Variants in NCF2 observed in about 807,000 individuals in gnomAD.
NCF2 encodes neutrophil cytosolic factor 2.
NCF2 carries 45 observed loss-of-function variants against 70.9 expected under a neutral mutation model. The observed-to-expected ratio is 0.63, with a 90% CI of 0.50 to 0.81. NCF2 has a LOEUF of 0.81. Ranked by LOEUF, NCF2 falls within the 40% of genes least tolerant of loss-of-function variation. The pLI is 0.00. For synonymous variants in NCF2, 203 were observed against 233.6 expected (o/e 0.87, Z 1.19); for missense variants, 522 against 631.6 (o/e 0.83, Z 1.86).
chr1:183,587,221 CA>C (rs1414228811), intron 1 of NCF2, among the ~76,000 whole-genome samples: 1 of 152,196 alleles, frequency 6.6e-6, no homozygotes, highest in African/African-American at 2.4e-5. Context: ...TGTGGATCTA[CA>C]AAACATTCCT....
Position 183,573,183 on chromosome 1 carries a change from A to G in NCF2, c.609+2T>C, listed in dbSNP as rs1672642650. The stretch of plus-strand genomic sequence containing the variant: ...CAGGGGAAGCTGAGCAATCCCACCT[A>G]CCGTCGCCTTGCCTAGGTAATCCTT... On this transcript the variant is annotated splice_donor_variant, in intron 5 of 14. Transcript: ENST00000367535. LOFTEE classifies it high-confidence loss of function. 1.2e-6 allele frequency: 2 copies of G among 1,613,408 alleles called. No individual in the cohort carries two copies. The highest frequency in any genetic ancestry group is 1.7e-6 in the Non-Finnish European group (2 of 1,179,690).
chr1:183,581,410 G>A (rs1673067511), intron 2 of NCF2, among the ~76,000 whole-genome samples: 1 of 151,770 alleles, frequency 6.6e-6, no homozygotes, highest in Non-Finnish European at 1.5e-5. Flanking sequence ...GGGGCAGGAG[G>A]ATCACTTGAG....
chr1:183,565,671 C>G, intron 10 of NCF2, 33 bp downstream of exon 10: 1 of 1,605,732 alleles, frequency 6.2e-7, no homozygotes, highest in Non-Finnish European at 8.5e-7. Context: ...GCTGCTGCAC[C>G]CAGACCTAGG....
At chr1:183,581,017 AG>A (rs1222368670) in intron 2 of NCF2, among the ~76,000 whole-genome samples, 1 of 150,588 alleles carries the variant, frequency 6.6e-6, no homozygotes, top group Non-Finnish European at 1.5e-5. Flanking sequence ...TGGGCCTGGT[AG>A]GAGAGAGAGA....
intron 14 of NCF2, among the ~76,000 whole-genome samples, chr1:183,557,002 A>G (rs946341269): frequency 6.6e-6 from 1 of 152,212 alleles, no homozygotes; most frequent in Non-Finnish European, 1.5e-5. Flanking sequence ...GTGATGGGTT[A>G]GTACATGTTT....
chr1:183,593,844 CCA>C (rs1310129615), upstream of NCF2, among the ~76,000 whole-genome samples: 5 of 152,180 alleles, frequency 3.3e-5, no homozygotes, highest in Non-Finnish European at 7.3e-5. Flanking sequence ...GTTCAAGCCT[CCA>C]GTTTCCTGAA....
intron 3 of NCF2, among the ~76,000 whole-genome samples, chr1:183,576,758 TA>T (rs1672817912): frequency 6.6e-6 from 1 of 152,218 alleles, no homozygotes. Flanking sequence ...CTACAGACTC[TA>T]TTATTAGCCC....
intron 2 of NCF2, among the ~76,000 whole-genome samples, chr1:183,578,432 G>T (rs775374276): frequency 2.0e-5 from 3 of 151,026 alleles, no homozygotes; most frequent in African/African-American, 7.3e-5. Flanking sequence ...ATTTCAGCTC[G>T]CTGCAAGCTC....
At chr1:183,563,089 A>C in intron 13 of NCF2, 106 bp downstream of exon 13, 1 of 1,009,392 alleles carries the variant, frequency 9.9e-7, no homozygotes, top group South Asian at 1.3e-5. Context: ...CATATCCCCA[A>C]CACCACATAT....
At chr1:183,561,164 C>G (rs1370007020) in intron 13 of NCF2, among the ~76,000 whole-genome samples, 1 of 152,206 alleles carries the variant, frequency 6.6e-6, no homozygotes, top group African/African-American at 2.4e-5. Context: ...GTCACTTTTG[C>G]TTCACAAATG....
chr1:183,581,692 A>G (rs530643019), intron 2 of NCF2, among the ~76,000 whole-genome samples: 40 of 150,672 alleles, frequency 2.7e-4, no homozygotes, highest in Middle Eastern at 3.4e-3. Flanking sequence ...TTTTTGAGAC[A>G]GAGTCTCGCT....
chr1:183,581,268 T>G (rs1673051671), intron 2 of NCF2, among the ~76,000 whole-genome samples: 3 of 89,764 alleles, frequency 3.3e-5, no homozygotes, highest in African/African-American at 9.9e-5. Context: ...GACGACAGAA[T>G]GAAATCCTGA....
intron 14 of NCF2, among the ~76,000 whole-genome samples, chr1:183,559,011 G>A (rs939632318): frequency 1.3e-5 from 2 of 152,234 alleles, no homozygotes; most frequent in Non-Finnish European, 2.9e-5. Flanking sequence ...TTGTGTCGAG[G>A]TAGAGAATTA....
intron 3 of NCF2, among the ~76,000 whole-genome samples, chr1:183,575,353 T>C (rs565823302): frequency 2.6e-5 from 4 of 152,170 alleles, no homozygotes; most frequent in East Asian, 1.9e-4. Context: ...ACCTGTAATC[T>C]CAGCTACTTG....
chr1:183,586,072 T>A (rs1032727712), intron 2 of NCF2, among the ~76,000 whole-genome samples: 22 of 152,246 alleles, frequency 1.4e-4, no homozygotes, highest in Non-Finnish European at 2.2e-4. Flanking sequence ...TGGTGGCACA[T>A]GCCTGTAATC....
chr1:183,556,711 T>C (rs994099353), intron 14 of NCF2, among the ~76,000 whole-genome samples: 3 of 152,144 alleles, frequency 2.0e-5, no homozygotes, highest in Non-Finnish European at 2.9e-5. Flanking sequence ...TTGTATTTAT[T>C]AGAGACAGGA....
intron 10 of NCF2, among the ~76,000 whole-genome samples, chr1:183,565,234 C>G (rs922813768): frequency 3.3e-5 from 5 of 152,152 alleles, no homozygotes; most frequent in Non-Finnish European, 5.9e-5. Flanking sequence ...TAGGAAACAG[C>G]CTTTCAGAGA....
chr1:183,590,395 C>T lies in NCF2; in HGVS notation c.-66G>A, dbSNP rs1159635573. 3.1e-6 allele frequency: 5 copies of T among 1,594,326 alleles called. No homozygotes were observed. Among genetic ancestry groups the T allele is most frequent in the Middle Eastern group, 3.3e-4 (2 of 6,026 alleles). ...ACAGAGAGAAGACAGGTTGGAGCGT[C>T]TCCCCTAGCAGGGCTGCCTTAGTGG... On this transcript the variant is annotated 5_prime_UTR_variant, in exon 1 of 15. Coordinates refer to ENST00000367535, the MANE Select transcript of NCF2 (RefSeq NM_000433.4).
At chr1:183,567,381 C>G in intron 7 of NCF2, 36 bp from the exon 8 acceptor site, 1 of 1,612,860 alleles carries the variant, frequency 6.2e-7, no homozygotes, top group Non-Finnish European at 8.5e-7. Flanking sequence ...GCCCCCATCC[C>G]CTCACATGAT....
Sources: allele counts gnomAD v4.1 joint callset (sites outside exome capture counted in the v4.1 genomes callset), GRCh38; gene constraint gnomAD v4.1.1; transcripts MANE v1.5; gene names NCBI Gene and HGNC (gene_info 2026-07-23, HGNC 2026-07-21).